The following SLC39A11 variants were observed in gnomAD, a reference collection of about 807,000 sequenced individuals.
SLC39A11 encodes solute carrier family 39 member 11, also known as zinc transporter ZIP11.
In SLC39A11, 33 loss-of-function variants were observed where a neutral mutation model predicts 36.1. The ratio of observed to expected loss-of-function variants is 0.91; its 90% CI spans 0.69 to 1.22. SLC39A11 has a LOEUF of 1.22. Ranked by LOEUF, SLC39A11 falls within the 50% of genes most tolerant of loss-of-function variation. The pLI, the probability that SLC39A11 is intolerant of heterozygous loss-of-function variation, is 0.00. For synonymous variants in SLC39A11, 166 were observed against 170.3 expected (o/e 0.97, Z 0.20); for missense variants, 432 against 430.3 (o/e 1.00, Z -0.03).
intron 7 of SLC39A11, among the ~76,000 whole-genome samples, chr17:72,666,465 G>A (rs114909808): frequency 1.8e-3 from 271 of 152,348 alleles, no homozygotes; most frequent in Middle Eastern, 0.01. Flanking sequence ...GGAGCTGAAT[G>A]CTTTGCCGCT....
chr17:72,743,026 G>A (rs2074775262), intron 6 of SLC39A11, among the ~76,000 whole-genome samples: 1 of 152,186 alleles, frequency 6.6e-6, no homozygotes, highest in Admixed American at 6.5e-5. Context: ...GTGCAGCCCA[G>A]AGCACTAGGA....
At chr17:73,047,693 C>T (rs1341384588) in intron 3 of SLC39A11, among the ~76,000 whole-genome samples, 2 of 151,674 alleles carry the variant, frequency 1.3e-5, no homozygotes, top group Admixed American at 6.6e-5. Context: ...ATAGGCTGGG[C>T]GAGGTAGCGC....
chr17:72,665,095 C>T (rs1040090455), intron 7 of SLC39A11, among the ~76,000 whole-genome samples: 17 of 152,328 alleles, frequency 1.1e-4, no homozygotes, highest in Middle Eastern at 3.4e-3. Context: ...GGACTACTAG[C>T]TCTGGGGGAA....
At chr17:72,933,339 T>TAA (rs1466093713) in intron 5 of SLC39A11, among the ~76,000 whole-genome samples, 1 of 152,116 alleles carries the variant, frequency 6.6e-6, no homozygotes, top group African/African-American at 2.4e-5. Context: ...ATAAAACACT[T>TAA]AGAGGTATAA....
At chr17:72,731,526 G>A (rs2074214797) in intron 7 of SLC39A11, among the ~76,000 whole-genome samples, 1 of 112,440 alleles carries the variant, frequency 8.9e-6, no homozygotes, top group Non-Finnish European at 1.8e-5. Context: ...TTTCATTTGT[G>A]CAACCTTATG....
At chr17:72,943,057 G>A (rs927206312) in intron 5 of SLC39A11, among the ~76,000 whole-genome samples, 2 of 152,172 alleles carry the variant, frequency 1.3e-5, no homozygotes, top group African/African-American at 4.8e-5. Context: ...ATGGGAGAAA[G>A]GGATGATTCC....
At chr17:72,793,729 C>G (rs1272796992) in intron 6 of SLC39A11, among the ~76,000 whole-genome samples, 1 of 152,182 alleles carries the variant, frequency 6.6e-6, no homozygotes, top group Non-Finnish European at 1.5e-5. Flanking sequence ...CACACCCAGT[C>G]TGGAAAATGC....
chr17:73,018,455 G>A (rs1268998278), intron 4 of SLC39A11, among the ~76,000 whole-genome samples: 2 of 152,086 alleles, frequency 1.3e-5, no homozygotes, highest in African/African-American at 4.8e-5. Context: ...AGCTGAGGCA[G>A]GAGAATCACT....
intron 5 of SLC39A11, among the ~76,000 whole-genome samples, chr17:72,917,372 C>T (rs17183267): frequency 0.072 from 10,891 of 152,210 alleles, 524 homozygotes; most frequent in Admixed American, 0.11. Flanking sequence ...ATTTATCTCG[C>T]GGCAAAATGC....
At chr17:72,900,977 CAACAA>C (rs1567914966) in intron 5 of SLC39A11, among the ~76,000 whole-genome samples, 2 of 148,902 alleles carry the variant, frequency 1.3e-5, no homozygotes, top group African/African-American at 5.0e-5. Context: ...AACAAACAAA[CAACAA>C]AAAAAAAACA....
chr17:72,920,785 C>A (rs896306327), intron 5 of SLC39A11, among the ~76,000 whole-genome samples: 2 of 149,396 alleles, frequency 1.3e-5, no homozygotes, highest in East Asian at 2.0e-4. Context: ...AACACCTACA[C>A]CCCATACACA....
intron 5 of SLC39A11, among the ~76,000 whole-genome samples, chr17:72,896,192 C>CTTTTTT (rs771180987): frequency 6.7e-5 from 5 of 74,596 alleles, no homozygotes; most frequent in Admixed American, 1.8e-4. Context: ...CACATTAATC[C>CTTTTTT]TTTTTTTTTT....
At chr17:73,044,968 A>G (rs1171387961) in intron 3 of SLC39A11, among the ~76,000 whole-genome samples, 1 of 151,942 alleles carries the variant, frequency 6.6e-6, no homozygotes, top group Non-Finnish European at 1.5e-5. Context: ...CACTGGGCTG[A>G]CACTTTAAGA....
chr17:72,704,153 C>G (rs1342501004), intron 7 of SLC39A11, among the ~76,000 whole-genome samples: 2 of 152,178 alleles, frequency 1.3e-5, no homozygotes, highest in African/African-American at 4.8e-5. Flanking sequence ...TTATTTTTAC[C>G]AGAGCATACC....
intron 3 of SLC39A11, among the ~76,000 whole-genome samples, chr17:73,035,636 G>A (rs1316109361): frequency 1.3e-5 from 2 of 151,942 alleles, no homozygotes; most frequent in African/African-American, 4.8e-5. Context: ...GAGTGAGAAG[G>A]GTCAGAGTCG....
intron 4 of SLC39A11, among the ~76,000 whole-genome samples, chr17:72,958,830 G>A (rs538935983): frequency 2.0e-5 from 3 of 148,188 alleles, no homozygotes; most frequent in South Asian, 2.1e-4. Context: ...CAGCCTGGGC[G>A]ACAGAGCGAG....
chr17:72,969,102 G>C (rs181748630), intron 4 of SLC39A11, among the ~76,000 whole-genome samples: 1 of 152,104 alleles, frequency 6.6e-6, no homozygotes, highest in Non-Finnish European at 1.5e-5. Context: ...TCAACTTAAG[G>C]AGTCACACTG....
intron 7 of SLC39A11, among the ~76,000 whole-genome samples, chr17:72,650,134 G>A (rs2069782823): frequency 1.3e-5 from 2 of 152,192 alleles, no homozygotes; most frequent in Non-Finnish European, 2.9e-5. Flanking sequence ...TCTGGCTCTG[G>A]GCTCAGCTTC....
chr17:73,048,449 T>C (rs967827147), intron 3 of SLC39A11, among the ~76,000 whole-genome samples: 4 of 152,262 alleles, frequency 2.6e-5, no homozygotes, highest in Non-Finnish European at 5.9e-5. Context: ...GATGGGCACC[T>C]AGGTTGACTG....
Sources: gnomAD v4.1 joint callset for allele counts (sites outside exome capture counted in the v4.1 genomes callset) on GRCh38, gnomAD v4.1.1 for gene constraint, MANE v1.5 for transcripts, NCBI Gene and HGNC (gene_info 2026-07-23, HGNC 2026-07-21) for gene names.